Variants in TTC28 observed in about 807,000 individuals in gnomAD.
The protein encoded by TTC28 is tetratricopeptide repeat protein 28.
Under a neutral mutation model 198.0 loss-of-function variants are expected in TTC28, and 61 were observed. The ratio of observed to expected loss-of-function variants is 0.31; its 90% CI spans 0.25 to 0.38. The LOEUF (loss-of-function observed/expected upper bound fraction) is 0.38. Among genes scored for constraint, TTC28 ranks in the 10% least tolerant of loss-of-function variants. The pLI is 1.00. For missense variants in TTC28, 2,678 were observed against 3,164.0 expected (o/e 0.85, Z 3.69); for synonymous variants, 1,171 against 1,297.8 (o/e 0.90, Z 2.10).
In TTC28 at chr22:28,211,177, C is replaced by T. The variant is rs145600913; in HGVS notation, c.934-47578G>A. Among the ~76,000 whole-genome samples the T allele has an allele frequency of 4.0e-3, 610 of 152,286 alleles. 6 individuals carry two copies. The highest frequency in any genetic ancestry group is 0.012 in the East Asian group (62 of 5,178). On this transcript the variant is annotated intron_variant, in intron 5 of 22. Coordinates refer to ENST00000397906, the MANE Select transcript of TTC28 (RefSeq NM_001145418.2). Reference sequence around the variant, plus strand: ...CAACCGGTACCAACCACTGCAAAAACATGCCAAATTGTAAAGACCATTGAT... The same window carrying T: ...CAACCGGTACCAACCACTGCAAAAATATGCCAAATTGTAAAGACCATTGAT...
At chr22:28,611,507 T>TTAA (rs1555901353) in intron 2 of TTC28, among the ~76,000 whole-genome samples, 17 of 96,836 alleles carry the variant, frequency 1.8e-4, no homozygotes, top group Admixed American at 1.1e-3. Flanking sequence ...TTTTTTTAAT[T>TTAA]TTTTTTTTTT....
intron 2 of TTC28, among the ~76,000 whole-genome samples, chr22:28,451,057 G>A (rs903777560): frequency 5.9e-5 from 9 of 152,282 alleles, no homozygotes; most frequent in Middle Eastern, 3.4e-3. Context: ...AGCGGGCTAC[G>A]CAGACATGGA....
At chr22:28,017,964 T>C (rs1457013333) in intron 13 of TTC28, among the ~76,000 whole-genome samples, 2 of 152,186 alleles carry the variant, frequency 1.3e-5, no homozygotes, top group East Asian at 1.9e-4. Flanking sequence ...AACTTGACCT[T>C]GTCCTGCTCT....
intron 2 of TTC28, among the ~76,000 whole-genome samples, chr22:28,537,662 A>C (rs774257579): frequency 6.6e-6 from 1 of 152,214 alleles, no homozygotes; most frequent in African/African-American, 2.4e-5. Context: ...AAATAGCATA[A>C]AAATCTAAAG....
chr22:28,476,485 T>C (rs2048169499), intron 2 of TTC28, among the ~76,000 whole-genome samples: 1 of 152,176 alleles, frequency 6.6e-6, no homozygotes, highest in South Asian at 2.1e-4. Context: ...GTCAAATTGC[T>C]GGTTTATAAA....
chr22:28,618,942 A>G (rs965663045), intron 2 of TTC28, among the ~76,000 whole-genome samples: 2 of 152,114 alleles, frequency 1.3e-5, no homozygotes, highest in Non-Finnish European at 2.9e-5. Flanking sequence ...ATTCACAAGC[A>G]TATATATTCT....
At chr22:28,620,476 T>G (rs1022330026) in intron 2 of TTC28, among the ~76,000 whole-genome samples, 2 of 152,238 alleles carry the variant, frequency 1.3e-5, no homozygotes, top group Non-Finnish European at 2.9e-5. Flanking sequence ...CCAAAACTGT[T>G]GTACCAGATC....
At position 27,983,429 on chromosome 22, in the gene TTC28, G is replaced by A; in HGVS notation, c.6238C>T (p.Pro2080Ser). ...YQENRNTCFSPDHKQPQPGTA... is the reference protein window; with the variant it reads ...YQENRNTCFSSDHKQPQPGTA... ...CCAGGTTGGGGTTGTTTGTGGTCTG[G>A]TGAGAAGCATGTGTTTCGGTTTTCT... Residue 2080 changes from proline to serine, a missense_variant, in exon 23 of 23, where the codon CCA becomes TCA. Physicochemically the swap from Pro to Ser is moderately conservative, Grantham distance 74. This residue lies in a region of TTC28 where 622 missense variants were observed against 656.0 expected (regional missense o/e 0.95). Transcript: ENST00000397906. The A allele has an allele frequency of 6.5e-7, 1 of 1,550,242 alleles. No individual in the cohort carries two copies. The highest frequency in any genetic ancestry group is 2.0e-5 in the Admixed American group (1 of 50,696).
chr22:28,052,353 T>G (rs1193614384), intron 12 of TTC28, among the ~76,000 whole-genome samples: 1 of 152,164 alleles, frequency 6.6e-6, no homozygotes. Context: ...TCAAGGTAGA[T>G]CCTACTATTA....
At chr22:28,170,596 A>G (rs1297426468) in intron 5 of TTC28, among the ~76,000 whole-genome samples, 1 of 152,236 alleles carries the variant, frequency 6.6e-6, no homozygotes. Context: ...ACTCCTGGGA[A>G]TATCTCTCTT....
intron 5 of TTC28, among the ~76,000 whole-genome samples, chr22:28,188,637 G>A (rs766936289): frequency 3.3e-5 from 5 of 152,198 alleles, no homozygotes; most frequent in Non-Finnish European, 7.3e-5. Context: ...AAACAGGGCC[G>A]TGGGGGGTCA....
At chr22:28,055,416 TA>T (rs1444110239) in intron 12 of TTC28, among the ~76,000 whole-genome samples, 1 of 152,150 alleles carries the variant, frequency 6.6e-6, no homozygotes, top group Non-Finnish European at 1.5e-5. Context: ...CTAAAAGTGC[TA>T]AAAGTGTTTG....
At chr22:28,671,569 A>G (rs1197819280) in intron 1 of TTC28, among the ~76,000 whole-genome samples, 4 of 147,814 alleles carry the variant, frequency 2.7e-5, no homozygotes, top group Non-Finnish European at 5.9e-5. Context: ...CGGTAGGCAG[A>G]GCTTGCAATG....
intron 2 of TTC28, among the ~76,000 whole-genome samples, chr22:28,433,736 C>T (rs983345487): frequency 1.3e-5 from 2 of 152,154 alleles, no homozygotes; most frequent in African/African-American, 4.8e-5. Flanking sequence ...CTACCCTTCA[C>T]ATAAACCTCT....
intron 12 of TTC28, among the ~76,000 whole-genome samples, chr22:28,075,528 C>T (rs1941139569): frequency 6.6e-6 from 1 of 152,306 alleles, no homozygotes; most frequent in South Asian, 2.1e-4. Flanking sequence ...AAATCCCATC[C>T]TACTTGAGAA....
intron 12 of TTC28, among the ~76,000 whole-genome samples, chr22:28,043,359 C>A (rs1235735865): frequency 6.6e-6 from 1 of 151,738 alleles, no homozygotes; most frequent in Non-Finnish European, 1.5e-5. Flanking sequence ...ATTACTGCCC[C>A]AAGCTTGGCC....
chr22:28,549,318 C>G (rs950363220), intron 2 of TTC28, among the ~76,000 whole-genome samples: 9 of 152,140 alleles, frequency 5.9e-5, no homozygotes, highest in African/African-American at 1.9e-4. Flanking sequence ...TGTGAGCCAC[C>G]ATGCCTGACC....
intron 2 of TTC28, among the ~76,000 whole-genome samples, chr22:28,329,491 C>T (rs113145034): frequency 0.01 from 1,551 of 152,112 alleles, 34 homozygotes; most frequent in East Asian, 0.082. Context: ...TAGCTTTCCC[C>T]GATGAGACAT....
chr22:28,485,172 T>C (rs1487552798), intron 2 of TTC28, among the ~76,000 whole-genome samples: 1 of 152,174 alleles, frequency 6.6e-6, no homozygotes. Flanking sequence ...TTCTAAAACC[T>C]AGTTTGATGA....
Sources: allele counts gnomAD v4.1 joint callset (sites outside exome capture counted in the v4.1 genomes callset), GRCh38; gene constraint gnomAD v4.1.1; regional missense constraint gnomAD v4.1.1; transcripts MANE v1.5; gene names NCBI Gene and HGNC (gene_info 2026-07-23, HGNC 2026-07-21).